Variants in MTTP observed in about 807,000 individuals in gnomAD.
The protein encoded by MTTP is microsomal triglyceride transfer protein large subunit.
Under a neutral mutation model 90.6 loss-of-function variants are expected in MTTP, and 49 were observed. The ratio of observed to expected loss-of-function variants is 0.54; its 90% CI spans 0.43 to 0.69. The LOEUF is 0.69. Ranked by LOEUF, MTTP falls within the 30% of genes least tolerant of loss-of-function variation. The pLI is 0.00. For missense variants in MTTP, 945 were observed against 1,067.5 expected (o/e 0.89, Z 1.60); for synonymous variants, 347 against 384.2 (o/e 0.90, Z 1.13).
At chr4:99,581,629 A>T (rs1725116796) in intron 1 of MTTP, among the ~76,000 whole-genome samples, 1 of 152,210 alleles carries the variant, frequency 6.6e-6, no homozygotes, top group African/African-American at 2.4e-5. Context: ...AACAAAAAAA[A>T]ACCCAAAATA....
chr4:99,569,274 C>T (rs573963805), intron 1 of MTTP, among the ~76,000 whole-genome samples: 7 of 151,954 alleles, frequency 4.6e-5, no homozygotes, highest in Admixed American at 6.6e-5. Flanking sequence ...GAATATCTTG[C>T]GAAGTATCTG....
At chr4:99,589,501 A>C in intron 3 of MTTP, 142 bp from the exon 4 acceptor site, 1 of 661,532 alleles carries the variant, frequency 1.5e-6, no homozygotes, top group South Asian at 1.6e-5. Context: ...TTTCACAAAA[A>C]GGAAATTCCA....
intron 3 of MTTP, among the ~76,000 whole-genome samples, chr4:99,586,635 A>G (rs557567692): frequency 5.3e-5 from 8 of 152,236 alleles, no homozygotes; most frequent in African/African-American, 1.7e-4. Context: ...TCTGTCTTAG[A>G]TAGATATCAA....
rs150671886 is a variant in MTTP at position 99,600,708 on chromosome 4, A to G, written c.1211A>G (p.Asn404Ser). The change falls in exon 9 of 18, where the codon AAT (asparagine) becomes AGT (serine). Residue 404 changes from asparagine to serine, a missense_variant. Coordinates refer to ENST00000265517, the MANE Select transcript of MTTP (RefSeq NM_001386140.1). ...LYACGFASHP[N>S]EELLRALISK... Reference sequence around the variant, plus strand: ...GCCTGTGGATTTGCTTCTCATCCCAATGAAGAACTCCTGAGAGCCCTCATT... The same window carrying G: ...GCCTGTGGATTTGCTTCTCATCCCAGTGAAGAACTCCTGAGAGCCCTCATT... 143 of 1,613,776 alleles carry G rather than the reference A, an allele frequency of 8.9e-5. No homozygotes were observed. The highest frequency in any genetic ancestry group is 4.7e-4 in the African/African-American group (35 of 75,020).
intron 12 of MTTP, among the ~76,000 whole-genome samples, chr4:99,610,228 A>G (rs574994558): frequency 2.0e-5 from 3 of 152,262 alleles, no homozygotes; most frequent in Admixed American, 1.3e-4. Context: ...GACTCTCACC[A>G]TTATGTCTTT....
intron 9 of MTTP, 86 bp downstream of exon 9, chr4:99,600,819 A>T: frequency 7.5e-7 from 1 of 1,337,274 alleles, no homozygotes; most frequent in Admixed American, 2.0e-5. Flanking sequence ...TTAGATCTGA[A>T]TGAAGGCTAT....
intron 15 of MTTP, among the ~76,000 whole-genome samples, chr4:99,613,943 G>T (rs1726027032): frequency 6.6e-6 from 1 of 152,034 alleles, no homozygotes; most frequent in Non-Finnish European, 1.5e-5. Flanking sequence ...TTAATAGTTT[G>T]ATTTATTTTC....
chr4:99,581,845 T>C, intron 1 of MTTP, 60 bp from the exon 2 acceptor site: 1 of 1,552,730 alleles, frequency 6.4e-7, no homozygotes, highest in Non-Finnish European at 8.9e-7. Context: ...GATGCACTGA[T>C]GGTGAGACAG....
intron 1 of MTTP, among the ~76,000 whole-genome samples, chr4:99,567,739 T>C (rs576597805): frequency 6.6e-6 from 1 of 152,036 alleles, no homozygotes; most frequent in Non-Finnish European, 1.5e-5. Flanking sequence ...AAAAAGCAGA[T>C]GCAGATAAAA....
chr4:99,569,936 A>G (rs1724797544), upstream of MTTP, among the ~76,000 whole-genome samples: 1 of 152,012 alleles, frequency 6.6e-6, no homozygotes, highest in South Asian at 2.1e-4. Context: ...ATACGCCATA[A>G]TTTATTGAAC....
At chr4:99,589,546 A>T (rs1284376001) in intron 3 of MTTP, 97 bp from the exon 4 acceptor site, 9 of 748,484 alleles carry the variant, frequency 1.2e-5, no homozygotes, top group Non-Finnish European at 2.2e-5. Context: ...TCCCAGGATT[A>T]ATACAGGTAA....
Position 99,574,846 on chromosome 4 carries a change from A to G in MTTP, c.-64A>G, listed in dbSNP as rs778476473. 8.1e-6 allele frequency: 13 copies of G among 1,613,784 alleles called. No homozygotes were observed. The highest frequency in any genetic ancestry group is 1.1e-5 in the Non-Finnish European group (13 of 1,179,912). ...GTCACTCCCTCACTGGCTGCCATTGAAAGAGTCCACTTCTCAGTGACTCCT... is the reference window on the plus strand; with the variant it reads ...GTCACTCCCTCACTGGCTGCCATTGGAAGAGTCCACTTCTCAGTGACTCCT... On this transcript the variant is annotated 5_prime_UTR_variant, in exon 1 of 18. Coordinates refer to ENST00000265517, the MANE Select transcript of MTTP (RefSeq NM_001386140.1).
chr4:99,583,460 A>T lies in MTTP; in HGVS notation c.336A>T (p.Gly112=). The T allele has an allele frequency of 6.2e-7, 1 of 1,613,708 alleles. No individual in the cohort carries two copies. The highest frequency in any genetic ancestry group is 8.5e-7 in the Non-Finnish European group (1 of 1,179,818). ...FKGKSPSKIM[G]KENLEALQRP... ...GAAAAAGCCCATCTAAAATAATGGG[A>T]AAGGAAAACTTGGAAGCTCTGCAAA... The change falls in exon 3 of 18, where the codon GGA becomes GGT. Residue 112 remains glycine (G), a synonymous_variant. Transcript: ENST00000265517.
At chr4:99,574,817 G>C (rs1450978081), upstream of MTTP, 1 of 1,612,936 alleles carries the variant, frequency 6.2e-7, no homozygotes, top group African/African-American at 1.3e-5. Context: ...AGGTTCTGAA[G>C]AGGGTCACTC....
chr4:99,589,419 C>A (rs1186139543), intron 3 of MTTP, among the ~76,000 whole-genome samples: 1 of 152,056 alleles, frequency 6.6e-6, no homozygotes, highest in African/African-American at 2.4e-5. Context: ...CTGTGCCCAT[C>A]ATGCAAGAGC....
At chr4:99,574,337 A>G (rs1054737762), upstream of MTTP, among the ~76,000 whole-genome samples, 1 of 152,244 alleles carries the variant, frequency 6.6e-6, no homozygotes, top group Non-Finnish European at 1.5e-5. Flanking sequence ...TGGTGGTGGT[A>G]TGAATTAACA....
At chr4:99,622,396 C>A (rs1008238949) in intron 17 of MTTP, among the ~76,000 whole-genome samples, 3 of 152,150 alleles carry the variant, frequency 2.0e-5, no homozygotes, top group Non-Finnish European at 4.4e-5. Flanking sequence ...GCACAGCCTG[C>A]AAAGCTTAAT....
chr4:99,587,788 C>G (rs1013735097), intron 3 of MTTP, among the ~76,000 whole-genome samples: 2 of 152,080 alleles, frequency 1.3e-5, no homozygotes, highest in African/African-American at 4.8e-5. Context: ...TTCTAATGGT[C>G]ATGATACCTG....
In MTTP at chr4:99,582,084, C is replaced by G; in HGVS notation, c.241C>G (p.Gln81Glu). Residue 81 changes from glutamine (Q) to glutamate (E), a missense_variant, in exon 2 of 18, where the codon CAA becomes GAA. By Grantham distance (29) the Gln-to-Glu change is conservative. Transcript: ENST00000265517. ...NPDGDDDQLIQITMKDVNVEN... is the reference protein window; with the variant it reads ...NPDGDDDQLIEITMKDVNVEN... ...TGATGGTGATGATGACCAGTTGATC[C>G]AAATAACGGTGGGCATTTTCTACCA... 6.2e-7 allele frequency: 1 copy of G among 1,614,058 alleles called. No homozygotes were observed. The highest frequency in any genetic ancestry group is 1.1e-5 in the South Asian group (1 of 91,074).
Sources: allele counts gnomAD v4.1 joint callset (sites outside exome capture counted in the v4.1 genomes callset), GRCh38; gene constraint gnomAD v4.1.1; transcripts MANE v1.5; gene names NCBI Gene and HGNC (gene_info 2026-07-23, HGNC 2026-07-21).